ZNF462: variants seen among roughly 807,000 people sequenced by gnomAD.
ZNF462 encodes the protein zinc finger PBX1-interacting protein.
ZNF462 carries 10 observed loss-of-function variants against 201.9 expected under a neutral mutation model. The observed-to-expected ratio is 0.05, with a 90% confidence interval of 0.03 to 0.08. ZNF462 has a LOEUF of 0.08. ZNF462 is among the 10% of genes least tolerant of loss of function. ZNF462 has a pLI of 1.00. For synonymous variants in ZNF462, 1,227 were observed against 1,193.3 expected, an observed-to-expected ratio of 1.03 and a Z score of -0.58; for missense variants, 2,523 against 3,168.3, an observed-to-expected ratio of 0.80 and a Z score of 4.89.
Position 106,974,090 on chromosome 9 carries a change from T to C in ZNF462, c.6696-47T>C. ...GCCAGCAGGAAATGTGAAAATGCAA[T>C]GATCCCTGGTTACACGCATCACCTC... On this transcript the variant is annotated intron_variant, in intron 8 of 12. Coordinates refer to ENST00000277225, the MANE Select transcript of ZNF462 (RefSeq NM_021224.6). The surrounding 1 kb of genome is among the most constrained non-coding windows in gnomAD (Gnocchi z 4.0). The C allele has an allele frequency of 6.2e-7, 1 of 1,610,332 alleles. No homozygotes were observed.
chr9:106,962,486 A>G lies in ZNF462; in HGVS notation c.6428-9519A>G, dbSNP rs1374237599. 6.6e-6 allele frequency among the ~76,000 whole-genome samples: 1 copy of G among 152,044 alleles called. No individual in the cohort carries two copies. Among genetic ancestry groups the G allele is most frequent in the Non-Finnish European group, 1.5e-5 (1 of 67,982 alleles). ...GTCAGACCTGCCTGGATTCCTCAAA[A>G]ATATAAAGAAAAAACATGAGGCTTC... On this transcript the variant is annotated intron_variant, in intron 7 of 12. Coordinates refer to ENST00000277225, the MANE Select transcript of ZNF462 (RefSeq NM_021224.6). The surrounding 1 kb of genome is among the most constrained non-coding windows in gnomAD (Gnocchi z 4.6).
intron 1 of ZNF462, among the ~76,000 whole-genome samples, chr9:106,887,151 G>A (rs1272932534): frequency 6.6e-6 from 1 of 152,164 alleles, no homozygotes; most frequent in Non-Finnish European, 1.5e-5. Context: ...AAGTTGTTGA[G>A]TAGCAGTTTG....
chr9:106,923,063 T>G lies in ZNF462; in HGVS notation c.-30-291T>G, dbSNP rs1830049730. Among the ~76,000 whole-genome samples the G allele has an allele frequency of 6.6e-6, 1 of 152,350 alleles. No homozygotes were observed. The highest frequency in any genetic ancestry group is 1.5e-5 in the Non-Finnish European group (1 of 68,032). ...GGATTCAGTGGAGAAGCTCAGAAAC[T>G]TCTAAAACTTTTGAAGTATTAAGCG... is the stretch of plus-strand genomic sequence containing the variant. On this transcript the variant is annotated intron_variant, in intron 1 of 12. Coordinates refer to ENST00000277225, the MANE Select transcript of ZNF462 (RefSeq NM_021224.6). The surrounding 1 kb of genome is among the most constrained non-coding windows in gnomAD (Gnocchi z 5.6).
At chr9:106,862,198 G>A (rs1218499889), upstream of ZNF462, among the ~76,000 whole-genome samples, 1 of 152,140 alleles carries the variant, frequency 6.6e-6, no homozygotes, top group African/African-American at 2.4e-5. The surrounding 1 kb of genome is among the most constrained non-coding windows in gnomAD (Gnocchi z 4.2). Flanking sequence ...TACTCACACC[G>A]CAAGCTGGAA....
At chr9:106,952,885 G>T (rs1831413135) in intron 7 of ZNF462, among the ~76,000 whole-genome samples, 1 of 152,114 alleles carries the variant, frequency 6.6e-6, no homozygotes, top group African/African-American at 2.4e-5. Context: ...TAAGTGGTGT[G>T]CCCTGGGTCA....
chr9:106,910,669 G>A lies in ZNF462; in HGVS notation c.-30-12685G>A, dbSNP rs138708058. ...ATTCAAGGGTCCTGTCAGTTTATGG[G>A]TTTGGTGTGGCCAAACTCTTTTTTT... On this transcript the variant is annotated intron_variant, in intron 1 of 12. Transcript: ENST00000277225. Among the ~76,000 whole-genome samples the A allele has an allele frequency of 1.5e-4, 23 of 152,126 alleles. No individual in the cohort carries two copies. The South Asian group carries it at 3.9e-3, about 26-fold the overall frequency.
chr9:106,868,822 C>T (rs1368264550), intron 1 of ZNF462, among the ~76,000 whole-genome samples: 1 of 152,198 alleles, frequency 6.6e-6, no homozygotes, highest in Non-Finnish European at 1.5e-5. Context: ...GCTCTCTTCT[C>T]CAGGGCCCAC....
At chr9:106,862,978 T>C (rs896859625), upstream of ZNF462, 2 of 394,458 alleles carry the variant, frequency 5.1e-6, no homozygotes, top group East Asian at 3.6e-5. This position sits in a 1 kb window ranked among gnomAD's most constrained non-coding sequence, Gnocchi z 4.2. Context: ...GCTTTCTCTC[T>C]CCCCCTGGTT....
chr9:106,870,749 C>G lies in ZNF462; in HGVS notation c.-31+7394C>G, dbSNP rs1278729461. On this transcript the variant is annotated intron_variant, in intron 1 of 12. Transcript: ENST00000277225. The surrounding 1 kb of genome is among the most constrained non-coding windows in gnomAD (Gnocchi z 4.3). Reference sequence around the variant, plus strand: ...TGGAGCACAAAAGGAGCTGTAGGCCCAGGTGAGACAACTGTGTCAGAAGTA... The same window carrying G: ...TGGAGCACAAAAGGAGCTGTAGGCCGAGGTGAGACAACTGTGTCAGAAGTA... Among the ~76,000 whole-genome samples, 1 of 152,116 alleles carries G rather than the reference C, an allele frequency of 6.6e-6. No individual in the cohort carries two copies. Among genetic ancestry groups the G allele is most frequent in the East Asian group, 1.9e-4 (1 of 5,186 alleles).
At chr9:106,991,725 A>G (rs970069488) in intron 10 of ZNF462, among the ~76,000 whole-genome samples, 6 of 151,842 alleles carry the variant, frequency 4.0e-5, no homozygotes, top group African/African-American at 1.4e-4. Flanking sequence ...TGGTCAGTTG[A>G]TTTTCATAAA....
rs536767149 is a variant in ZNF462, at chr9:106,940,455, G to A, written c.6427+1348G>A. On this transcript the variant is annotated intron_variant, in intron 7 of 12. Transcript: ENST00000277225. ...TGGTCTAATTCTCAGATTACCAAAA[G>A]AGTAAATGAGTAATCTTTATTCATG... Among the ~76,000 whole-genome samples the A allele has an allele frequency of 3.3e-5, 5 of 152,292 alleles. No homozygotes were observed. The South Asian group carries it at 1.0e-3, about 32-fold the overall frequency.
intron 1 of ZNF462, among the ~76,000 whole-genome samples, chr9:106,921,511 C>T (rs925107258): frequency 6.6e-6 from 1 of 152,162 alleles, no homozygotes; most frequent in Admixed American, 6.5e-5. Flanking sequence ...CCCTAAAGCT[C>T]AGAGGACTAG....
At position 106,930,733 on chromosome 9, in the gene ZNF462, C is replaced by T. The variant is rs775387220; in HGVS notation, c.6012+44C>T. The T allele has an allele frequency of 1.2e-5, 19 of 1,605,396 alleles. No individual in the cohort carries two copies. Among genetic ancestry groups the T allele is most frequent in the Admixed American group, 3.3e-5 (2 of 59,784 alleles). On this transcript the variant is annotated intron_variant, in intron 4 of 12. Transcript: ENST00000277225. The surrounding 1 kb of genome is among the most constrained non-coding windows in gnomAD (Gnocchi z 5.8). ...GGATGAGCATTGTGTGTGAGCGATT[C>T]GAGTTACTTATTAACCCCATTGCCT...
rs1196937026 is a variant in ZNF462, at chr9:107,005,607, C to T, written c.7189+2181C>T. ...AATTCCTTATCAGATGTATGGTTTG[C>T]AAATATTTTCACTCATTCCATAGGT... On this transcript the variant is annotated intron_variant, in intron 11 of 12. Transcript: ENST00000277225. The surrounding 1 kb of genome is among the most constrained non-coding windows in gnomAD (Gnocchi z 4.4). Among the ~76,000 whole-genome samples the T allele has an allele frequency of 6.6e-6, 1 of 152,138 alleles. No individual in the cohort carries two copies. Among genetic ancestry groups the T allele is most frequent in the African/African-American group, 2.4e-5 (1 of 41,432 alleles).
intron 1 of ZNF462, among the ~76,000 whole-genome samples, chr9:106,882,439 AT>A (rs1268757337): frequency 2.0e-5 from 3 of 152,240 alleles, no homozygotes; most frequent in Non-Finnish European, 4.4e-5. Flanking sequence ...ACATCGCTAG[AT>A]TTATAGCATT....
Position 107,002,332 on chromosome 9 carries a change from C to T in ZNF462, c.7057-962C>T, listed in dbSNP as rs191280993. Among the ~76,000 whole-genome samples, 1,093 of 152,252 alleles carry T rather than the reference C, an allele frequency of 7.2e-3. 10 individuals are homozygous for T. Among genetic ancestry groups the T allele is most frequent in the South Asian group, 0.018 (85 of 4,814 alleles). On this transcript the variant is annotated intron_variant, in intron 10 of 12. Coordinates refer to ENST00000277225, the MANE Select transcript of ZNF462 (RefSeq NM_021224.6). ...TCTTGTATGTCCCCTCCCCAGGCCT[C>T]CAACAAGGGGAGCATAACACCTTAC...
intron 10 of ZNF462, among the ~76,000 whole-genome samples, chr9:106,987,514 GT>G (rs1019656650): frequency 6.6e-6 from 1 of 151,838 alleles, no homozygotes; most frequent in Non-Finnish European, 1.5e-5. Context: ...TCATGAGATT[GT>G]TTTTTTCTTA....
chr9:106,923,027 C>T lies in ZNF462; in HGVS notation c.-30-327C>T, dbSNP rs1002504666. Among the ~76,000 whole-genome samples, 1 of 152,154 alleles carries T rather than the reference C, an allele frequency of 6.6e-6. No homozygotes were observed. Among genetic ancestry groups the T allele is most frequent in the Non-Finnish European group, 1.5e-5 (1 of 68,024 alleles). ...CAGAACCAAAGCCAACATTAAGTTACCAAGAAATTTGGATTCAGTGGAGAA... is the reference window on the plus strand; with the variant it reads ...CAGAACCAAAGCCAACATTAAGTTATCAAGAAATTTGGATTCAGTGGAGAA... On this transcript the variant is annotated intron_variant, in intron 1 of 12. Transcript: ENST00000277225. The surrounding 1 kb of genome is among the most constrained non-coding windows in gnomAD (Gnocchi z 5.6).
At chr9:106,915,199 ATG>A (rs1309064470) in intron 1 of ZNF462, among the ~76,000 whole-genome samples, 5 of 148,332 alleles carry the variant, frequency 3.4e-5, no homozygotes, top group Admixed American at 2.7e-4. Flanking sequence ...GCATTTCTGT[ATG>A]TTTTTTTTTT....
Sources: gnomAD v4.1 joint callset for allele counts (sites outside exome capture counted in the v4.1 genomes callset) on GRCh38, gnomAD v4.1.1 for gene constraint, Gnocchi (gnomAD v3.1) non-coding constraint, MANE v1.5 for transcripts, NCBI Gene and HGNC (gene_info 2026-07-23, HGNC 2026-07-21) for gene names.